Variants in CHD7 observed in about 807,000 individuals in gnomAD.
CHD7 encodes chromodomain helicase DNA binding protein 7, also known as ATP-dependent chromatin remodeler CHD7.
A neutral mutation model predicts 307.3 loss-of-function variants in CHD7; 24 were observed. That is an observed-to-expected ratio of 0.08 (90% confidence interval 0.06 to 0.11). The LOEUF (loss-of-function observed/expected upper bound fraction) is 0.11, where lower values mean the gene tolerates loss of function less well. CHD7 is among the 10% of genes least tolerant of loss of function. CHD7 has a pLI of 1.00. For missense variants in CHD7, 3,106 were observed against 3,727.1 expected, an observed-to-expected ratio of 0.83 and a Z score of 4.34; for synonymous variants, 1,363 against 1,349.9, an observed-to-expected ratio of 1.01 and a Z score of -0.21.
At chr8:60,722,669 G>A (rs1166178240) in intron 1 of CHD7, among the ~76,000 whole-genome samples, 2 of 152,136 alleles carry the variant, frequency 1.3e-5, no homozygotes, top group East Asian at 1.9e-4. Flanking sequence ...TAAAACAAAA[G>A]TTGTTGACAA....
intron 31 of CHD7, 77 bp from the exon 32 acceptor site, chr8:60,854,286 T>A: frequency 7.4e-7 from 1 of 1,343,030 alleles, no homozygotes; most frequent in Non-Finnish European, 1.0e-6. Context: ...GTATTCACAT[T>A]TTTAATCATG....
intron 1 of CHD7, among the ~76,000 whole-genome samples, chr8:60,730,929 T>A (rs953235480): frequency 2.6e-5 from 4 of 152,220 alleles, no homozygotes; most frequent in African/African-American, 9.7e-5. Context: ...TGTGTACCCT[T>A]CTGAGTAGCA....
At chr8:60,717,423 C>T (rs878883927) in intron 1 of CHD7, among the ~76,000 whole-genome samples, 1 of 152,138 alleles carries the variant, frequency 6.6e-6, no homozygotes. Flanking sequence ...TTTTGTTTAT[C>T]TAGAGAGAAA....
At position 60,865,099 on chromosome 8, in the gene CHD7, G is replaced by A. The variant is rs1477423590; in HGVS notation, c.8160G>A (p.Arg2720=). The A allele has an allele frequency of 1.9e-6, 3 of 1,610,772 alleles. No individual in the cohort carries two copies. Among genetic ancestry groups the A allele is most frequent in the Non-Finnish European group, 2.5e-6 (3 of 1,178,556 alleles). ...RGEGASRRGR[R]PKSEIARAAA... is the part of the protein sequence containing the mutation. ...AGGGAGCGAGCAGAAGAGGAAGAAG[G>A]CCCAAAAGTGAGATCGCCAGAGCAG... Residue 2720 remains arginine, a synonymous_variant, in exon 38 of 38, where the codon AGG becomes AGA. Coordinates refer to ENST00000423902, the MANE Select transcript of CHD7 (RefSeq NM_017780.4). This position sits in a 1 kb window ranked among gnomAD's most constrained non-coding sequence, Gnocchi z 4.3.
In CHD7 at chr8:60,827,738, T is replaced by C. The variant is rs146727635; in HGVS notation, c.3379-925T>C. ...ATGACATGGTAGATATTAAGAAAAT[T>C]AGCATGTTCTTACCTCATTCATCTA... On this transcript the variant is annotated intron_variant, in intron 13 of 37. Coordinates refer to ENST00000423902, the MANE Select transcript of CHD7 (RefSeq NM_017780.4). 4.8e-3 allele frequency among the ~76,000 whole-genome samples: 729 copies of C among 152,052 alleles called. 2 individuals carry two copies. The highest frequency in any genetic ancestry group is 0.017 in the African/African-American group (688 of 41,418).
chr8:60,821,323 A>G lies in CHD7; in HGVS notation c.2698-467A>G, dbSNP rs956941616. On this transcript the variant is annotated intron_variant, in intron 9 of 37. Coordinates refer to ENST00000423902, the MANE Select transcript of CHD7 (RefSeq NM_017780.4). ...ACTTTTTGGCTTTCGAACATCACTT[A>G]CCAATGATTTTGATAAAAGGCTAAT... Among the ~76,000 whole-genome samples, 11 of 152,280 alleles carry G rather than the reference A, an allele frequency of 7.2e-5. No homozygotes were observed. In the East Asian group the frequency reaches 1.5e-3, roughly 21 times the overall value.
chr8:60,854,654 C>A, intron 32 of CHD7, 131 bp downstream of exon 32: 3 of 710,246 alleles, frequency 4.2e-6, no homozygotes, highest in Non-Finnish European at 6.2e-6. Flanking sequence ...ATAGATTTTT[C>A]TTATACTTTT....
chr8:60,853,678 C>CCT (rs1175324577), intron 31 of CHD7, among the ~76,000 whole-genome samples, 178 bp downstream of exon 31: 2 of 152,146 alleles, frequency 1.3e-5, no homozygotes, highest in African/African-American at 4.8e-5. Flanking sequence ...CCTTATAGCA[C>CCT]CTAACCATGG....
chr8:60,800,021 T>C (rs1281051180), intron 4 of CHD7, among the ~76,000 whole-genome samples: 3 of 152,114 alleles, frequency 2.0e-5, no homozygotes, highest in Admixed American at 1.3e-4. Context: ...TGCGCCATTA[T>C]AAAGAACATT....
At chr8:60,831,547 C>T (rs1469604343) in intron 15 of CHD7, among the ~76,000 whole-genome samples, 1 of 151,886 alleles carries the variant, frequency 6.6e-6, no homozygotes, top group African/African-American at 2.4e-5. Flanking sequence ...CAGTGAAGAA[C>T]CATGACTAGT....
At chr8:60,785,177 G>A (rs1811437893) in intron 3 of CHD7, among the ~76,000 whole-genome samples, 1 of 152,108 alleles carries the variant, frequency 6.6e-6, no homozygotes. Flanking sequence ...ACTCTTGAAG[G>A]ATTTAATGGT....
intron 1 of CHD7, among the ~76,000 whole-genome samples, chr8:60,720,663 A>C (rs1807853849): frequency 6.6e-6 from 1 of 152,194 alleles, no homozygotes; most frequent in Non-Finnish European, 1.5e-5. Flanking sequence ...AGAGAGAGTA[A>C]AGGCTAAGAC....
chr8:60,832,131 C>G (rs943490980), intron 15 of CHD7, among the ~76,000 whole-genome samples: 3 of 152,202 alleles, frequency 2.0e-5, no homozygotes, highest in African/African-American at 7.2e-5. Flanking sequence ...AAGCATCCCT[C>G]CCACCTCAGC....
In CHD7 at chr8:60,741,273, C is replaced by T. The variant is rs1808986476; in HGVS notation, c.-160C>T. On this transcript the variant is annotated 5_prime_UTR_variant, in exon 2 of 38. Transcript: ENST00000423902. ...CTCCCTTCCAGGACCTATATCCAGA[C>T]TTTGCCTGACACTGCAGGGTCCAAG... is the stretch of plus-strand genomic sequence containing the variant. 1 of 631,424 alleles carries T rather than the reference C, an allele frequency of 1.6e-6. No homozygotes were observed. Among genetic ancestry groups the T allele is most frequent in the African/African-American group, 1.8e-5 (1 of 54,400 alleles). 39.1% of individuals were successfully genotyped at this position (631,424 alleles called of 1,614,324 possible).
chr8:60,756,852 C>T lies in CHD7; in HGVS notation c.1665+13755C>T, dbSNP rs144562663. Among the ~76,000 whole-genome samples the T allele has an allele frequency of 7.2e-5, 11 of 152,260 alleles. No homozygotes were observed. In the East Asian group the frequency reaches 2.1e-3, roughly 29 times the overall value. ...TAATTTGCCAAATCCTTTAAGTCAT[C>T]AAGTCTAAGCAAATATATTAAATGC... is the stretch of plus-strand genomic sequence containing the variant. On this transcript the variant is annotated intron_variant, in intron 2 of 37. Coordinates refer to ENST00000423902, the MANE Select transcript of CHD7 (RefSeq NM_017780.4).
intron 6 of CHD7, among the ~76,000 whole-genome samples, chr8:60,807,072 CA>C (rs1172288140): frequency 1.3e-5 from 2 of 152,136 alleles, no homozygotes; most frequent in African/African-American, 4.8e-5. Context: ...GTGAGAGTTT[CA>C]AAGAAAAGTT....
At chr8:60,764,427 T>C (rs1810371751) in intron 2 of CHD7, among the ~76,000 whole-genome samples, 1 of 152,222 alleles carries the variant, frequency 6.6e-6, no homozygotes, top group Non-Finnish European at 1.5e-5. Context: ...AAAATGTCTG[T>C]ACCTTTTTAT....
At chr8:60,740,704 T>C (rs1357360709) in intron 1 of CHD7, among the ~76,000 whole-genome samples, 8 of 152,274 alleles carry the variant, frequency 5.3e-5, no homozygotes, top group Admixed American at 4.6e-4. Context: ...ATGTGGGCTG[T>C]AAATATCTAA....
intron 1 of CHD7, among the ~76,000 whole-genome samples, chr8:60,718,713 T>C (rs946430035): frequency 1.3e-5 from 2 of 152,236 alleles, no homozygotes; most frequent in Middle Eastern, 3.2e-3. Flanking sequence ...AAATTCATTA[T>C]AGCCTAGGTG....
Sources: gnomAD v4.1 joint callset for allele counts (sites outside exome capture counted in the v4.1 genomes callset) on GRCh38, gnomAD v4.1.1 for gene constraint, Gnocchi (gnomAD v3.1) non-coding constraint, MANE v1.5 for transcripts, NCBI Gene and HGNC (gene_info 2026-07-23, HGNC 2026-07-21) for gene names.